ZNF385B: variants seen among roughly 807,000 people sequenced by gnomAD.
The protein encoded by ZNF385B is zinc finger protein 533.
ZNF385B carries 23 observed loss-of-function variants against 39.2 expected under a neutral mutation model. The observed-to-expected ratio is 0.59, with a 90% CI of 0.42 to 0.83. The LOEUF is 0.83. Among genes scored for constraint, ZNF385B ranks in the 40% least tolerant of loss-of-function variants. The pLI is 0.00. For synonymous variants in ZNF385B, 205 were observed against 222.6 expected (o/e 0.92, Z 0.70); for missense variants, 552 against 598.9 (o/e 0.92, Z 0.82).
intron 3 of ZNF385B, chr2:179,746,081 C>G (rs1419314258): frequency 3.2e-5 from 33 of 1,018,124 alleles, no homozygotes; most frequent in Non-Finnish European, 3.9e-5. Flanking sequence ...TGCTGAGAAA[C>G]AGGCAACCTA....
At chr2:179,479,776 T>C (rs2053802215) in intron 6 of ZNF385B, among the ~76,000 whole-genome samples, 2 of 152,000 alleles carry the variant, frequency 1.3e-5, no homozygotes, top group Non-Finnish European at 2.9e-5. Context: ...GAGGTAGAGT[T>C]TGCAGTGAGC....
At chr2:179,666,669 A>C (rs1695200828) in intron 3 of ZNF385B, among the ~76,000 whole-genome samples, 1 of 152,166 alleles carries the variant, frequency 6.6e-6, no homozygotes, top group Non-Finnish European at 1.5e-5. Flanking sequence ...AATAATCATA[A>C]GAATATTTAT....
intron 3 of ZNF385B, among the ~76,000 whole-genome samples, chr2:179,608,808 C>T (rs1466693498): frequency 6.6e-6 from 1 of 150,734 alleles, no homozygotes. Flanking sequence ...CAGACCTCAT[C>T]ACCATTACAA....
intron 3 of ZNF385B, among the ~76,000 whole-genome samples, chr2:179,648,032 G>A (rs1011862214): frequency 8.5e-5 from 13 of 152,288 alleles, no homozygotes; most frequent in African/African-American, 2.6e-4. Flanking sequence ...GCAGTGCCCA[G>A]CATGGGGAGT....
chr2:179,757,463 G>A (rs538205384), intron 3 of ZNF385B, among the ~76,000 whole-genome samples: 1 of 152,270 alleles, frequency 6.6e-6, no homozygotes, highest in South Asian at 2.1e-4. Flanking sequence ...ACTCCATGCT[G>A]GGAGAACCAC....
chr2:179,443,431 A>G lies in ZNF385B; in HGVS notation c.1280T>C (p.Leu427Ser). Residue 427 changes from leucine (L) to serine (S), a missense_variant, in exon 10 of 10, where the codon TTG becomes TCG. Coordinates refer to ENST00000410066, the MANE Select transcript of ZNF385B (RefSeq NM_152520.6). ...LAFQKDMMKP[L>S]APAFLSSPLA... ...AGGTGAGGACAGGAAGGCTGGGGCC[A>G]AAGGCTTCATCATATCTTTCTGGAA... is the stretch of plus-strand genomic sequence containing the variant. 1 of 1,609,192 alleles carries G rather than the reference A, an allele frequency of 6.2e-7. No individual in the cohort carries two copies. Among genetic ancestry groups the G allele is most frequent in the South Asian group, 1.1e-5 (1 of 90,202 alleles).
At position 179,557,281 on chromosome 2, in the gene ZNF385B, GT is replaced by G. The variant is rs768595610; in HGVS notation, c.299-12313del. On this transcript the variant is annotated intron_variant, in intron 3 of 9. Transcript: ENST00000410066. The stretch of plus-strand genomic sequence containing the variant: ...AAAATTCAAGATTAGCATTTGGTGT[GT>G]TTTCTTTTTCAATTTTGACTGACAT... Among the ~76,000 whole-genome samples, 8 of 148,948 alleles carry G rather than the reference GT, an allele frequency of 5.4e-5. 1 individual carries two copies. The highest frequency in any genetic ancestry group is 1.0e-4 in the Non-Finnish European group (7 of 67,528).
rs386391975 is a variant in ZNF385B at position 179,685,700 on chromosome 2, A to AT, written c.298+83802_298+83803insA. Among the ~76,000 whole-genome samples, 198 of 152,148 alleles carry AT rather than the reference A, an allele frequency of 1.3e-3. 3 individuals are homozygous for AT. The highest frequency in any genetic ancestry group is 4.2e-3 in the African/African-American group (173 of 41,538). On this transcript the variant is annotated intron_variant, in intron 3 of 9. Transcript: ENST00000410066. ...GGGCCTGACACAGAAAGTGCTAAAA[A>AT]AAAAAATAAAAAAAGTCAGTTCCCA...
chr2:179,443,773 C>G (rs1433288800), intron 9 of ZNF385B, among the ~76,000 whole-genome samples: 1 of 152,128 alleles, frequency 6.6e-6, no homozygotes, highest in Non-Finnish European at 1.5e-5. Flanking sequence ...AAGTTTCCTG[C>G]TTAGATGATG....
intron 8 of ZNF385B, among the ~76,000 whole-genome samples, chr2:179,445,289 C>A (rs188205856): frequency 4.7e-4 from 71 of 152,288 alleles, no homozygotes; most frequent in Non-Finnish European, 1.5e-5. Flanking sequence ...GAAGCTCCTG[C>A]TCAACTGTAG....
At chr2:179,758,334 C>T (rs1402001539) in intron 3 of ZNF385B, among the ~76,000 whole-genome samples, 1 of 152,186 alleles carries the variant, frequency 6.6e-6, no homozygotes, top group Non-Finnish European at 1.5e-5. Flanking sequence ...CTGGTAAGTG[C>T]TTGCTCTCTC....
chr2:179,830,508 T>C (rs1707924290), intron 1 of ZNF385B, among the ~76,000 whole-genome samples: 1 of 152,166 alleles, frequency 6.6e-6, no homozygotes. Flanking sequence ...AGATAACATG[T>C]AAATCCAATG....
At chr2:179,664,146 T>G (rs910965084) in intron 3 of ZNF385B, among the ~76,000 whole-genome samples, 15 of 151,780 alleles carry the variant, frequency 9.9e-5, no homozygotes, top group Non-Finnish European at 1.8e-4. Context: ...TTTTCTTTTA[T>G]TCCCCTCTTC....
Position 179,752,422 on chromosome 2 carries a change from G to T in ZNF385B, c.298+17081C>A, listed in dbSNP as rs544242108. Among the ~76,000 whole-genome samples, 3 of 152,252 alleles carry T rather than the reference G, an allele frequency of 2.0e-5. No homozygotes were observed. In the East Asian group the frequency reaches 5.8e-4, roughly 29 times the overall value. On this transcript the variant is annotated intron_variant, in intron 3 of 9. Transcript: ENST00000410066. ...GTGTGCATGTGCCTTTATAGCAGCA[G>T]GATTTATAATCCTTTGGGTATATAC...
At chr2:179,451,251 T>TAA (rs71029810) in intron 6 of ZNF385B, among the ~76,000 whole-genome samples, 44 of 134,824 alleles carry the variant, frequency 3.3e-4, no homozygotes, top group African/African-American at 7.3e-4. Flanking sequence ...AAAGTATAAT[T>TAA]AAAAAAAAAA....
intron 5 of ZNF385B, among the ~76,000 whole-genome samples, chr2:179,497,729 T>C (rs978010365): frequency 1.7e-4 from 26 of 151,918 alleles, no homozygotes; most frequent in Non-Finnish European, 2.6e-4. Flanking sequence ...ATCAATAACA[T>C]TGAATGTAAA....
chr2:179,698,855 A>C (rs1295218870), intron 3 of ZNF385B, among the ~76,000 whole-genome samples: 1 of 152,198 alleles, frequency 6.6e-6, no homozygotes, highest in African/African-American at 2.4e-5. Context: ...TTAAACTACA[A>C]GTTCATGAAG....
chr2:179,798,779 T>C (rs894685574), intron 1 of ZNF385B, among the ~76,000 whole-genome samples: 11 of 152,154 alleles, frequency 7.2e-5, no homozygotes, highest in African/African-American at 2.7e-4. Flanking sequence ...GCCATGTACT[T>C]GTTACACGGT....
At chr2:179,484,516 T>C (rs1029297534) in intron 5 of ZNF385B, among the ~76,000 whole-genome samples, 2 of 152,090 alleles carry the variant, frequency 1.3e-5, no homozygotes, top group Non-Finnish European at 2.9e-5. Context: ...TTTATATACT[T>C]GTATGTGTTT....
Sources: gnomAD v4.1 joint callset for allele counts (sites outside exome capture counted in the v4.1 genomes callset) on GRCh38, gnomAD v4.1.1 for gene constraint, MANE v1.5 for transcripts, NCBI Gene and HGNC (gene_info 2026-07-23, HGNC 2026-07-21) for gene names.